TAFA4: variants seen among roughly 807,000 people sequenced by gnomAD.
TAFA4 encodes the protein chemokine-like protein TAFA-4.
TAFA4 carries 20 observed loss-of-function variants against 21.1 expected under a neutral mutation model. The observed-to-expected ratio is 0.95, with a 90% CI of 0.67 to 1.38. The LOEUF (loss-of-function observed/expected upper bound fraction) is 1.38, where lower values mean the gene tolerates loss of function less well. TAFA4 is among the 40% of genes most tolerant of loss of function. TAFA4 has a pLI of 0.00. For synonymous variants in TAFA4, 71 were observed against 67.4 expected, an observed-to-expected ratio of 1.05 and a Z score of -0.26; for missense variants, 211 against 180.9, an observed-to-expected ratio of 1.17 and a Z score of -0.95.
At chr3:68,929,304 G>A (rs898210456) in intron 1 of TAFA4, among the ~76,000 whole-genome samples, 2 of 152,196 alleles carry the variant, frequency 1.3e-5, no homozygotes, top group Non-Finnish European at 2.9e-5. Flanking sequence ...AGTGATTAAT[G>A]TGGCCAAGAT....
intron 3 of TAFA4, among the ~76,000 whole-genome samples, chr3:68,756,601 C>A (rs13097433): frequency 6.6e-6 from 1 of 152,090 alleles, no homozygotes; most frequent in Non-Finnish European, 1.5e-5. Context: ...CCATCTTCAA[C>A]GTCGATGGCA....
intron 3 of TAFA4, among the ~76,000 whole-genome samples, chr3:68,836,459 T>C (rs889566883): frequency 6.6e-6 from 1 of 152,220 alleles, no homozygotes; most frequent in African/African-American, 2.4e-5. Flanking sequence ...AAGTCTGGCT[T>C]CTAGAACTTC....
chr3:68,850,069 C>A (rs779420489), intron 3 of TAFA4, among the ~76,000 whole-genome samples: 1 of 152,164 alleles, frequency 6.6e-6, no homozygotes, highest in Non-Finnish European at 1.5e-5. Flanking sequence ...AAAATTGCCT[C>A]TTTTCCCATG....
chr3:68,898,704 T>A (rs2089816047), intron 1 of TAFA4, among the ~76,000 whole-genome samples: 1 of 152,184 alleles, frequency 6.6e-6, no homozygotes, highest in African/African-American at 2.4e-5. Context: ...ATCGGACCAA[T>A]CAAGCACTTT....
intron 3 of TAFA4, among the ~76,000 whole-genome samples, chr3:68,840,460 A>G (rs557368355): frequency 2.0e-4 from 30 of 152,160 alleles, no homozygotes; most frequent in Non-Finnish European, 3.4e-4. Context: ...CAAGCAATCT[A>G]CCCACCTCAG....
chr3:68,758,231 G>C (rs12635072), intron 3 of TAFA4, among the ~76,000 whole-genome samples: 5,535 of 152,232 alleles, frequency 0.036, 306 homozygotes, highest in East Asian at 0.25. Flanking sequence ...CAGTGTTTGT[G>C]TGATTCCATA....
chr3:68,832,246 G>T (rs183905142), intron 3 of TAFA4, among the ~76,000 whole-genome samples: 2 of 152,174 alleles, frequency 1.3e-5, no homozygotes, highest in Non-Finnish European at 2.9e-5. Flanking sequence ...TGTTCCTTTG[G>T]AGGAAAAGAG....
intron 3 of TAFA4, among the ~76,000 whole-genome samples, chr3:68,754,193 G>GA (rs1392793515): frequency 6.6e-6 from 1 of 152,166 alleles, no homozygotes; most frequent in Non-Finnish European, 1.5e-5. Context: ...ATTAAAGATA[G>GA]AAAATCTGAC....
intron 3 of TAFA4, among the ~76,000 whole-genome samples, chr3:68,828,255 T>C (rs1047500743): frequency 1.3e-5 from 2 of 152,212 alleles, no homozygotes; most frequent in African/African-American, 2.4e-5. Flanking sequence ...TTGGTACCAG[T>C]ACCATGCTGT....
At chr3:68,777,619 T>C (rs1228225270) in intron 3 of TAFA4, among the ~76,000 whole-genome samples, 2 of 151,794 alleles carry the variant, frequency 1.3e-5, no homozygotes, top group African/African-American at 2.4e-5. Flanking sequence ...GGTGGGAAAA[T>C]AGAATCATAA....
intron 1 of TAFA4, among the ~76,000 whole-genome samples, chr3:68,894,100 A>G (rs2089759747): frequency 6.6e-6 from 1 of 152,122 alleles, no homozygotes; most frequent in African/African-American, 2.4e-5. Context: ...AATACTACAC[A>G]TAATAAATGC....
intron 3 of TAFA4, among the ~76,000 whole-genome samples, chr3:68,773,011 G>A (rs1344915350): frequency 2.0e-5 from 3 of 152,092 alleles, no homozygotes; most frequent in Non-Finnish European, 2.9e-5. Flanking sequence ...TCATCTATAT[G>A]AGAGAGCATC....
intron 1 of TAFA4, among the ~76,000 whole-genome samples, chr3:68,899,093 TC>T (rs2089820533): frequency 6.6e-6 from 1 of 152,184 alleles, no homozygotes; most frequent in African/African-American, 2.4e-5. Context: ...AGGAAATACA[TC>T]ACATAAATTT....
intron 5 of TAFA4, among the ~76,000 whole-genome samples, chr3:68,734,346 T>A (rs1192727156): frequency 6.6e-6 from 1 of 152,004 alleles, no homozygotes; most frequent in Non-Finnish European, 1.5e-5. Flanking sequence ...AGAGGTTGGA[T>A]AAACAGGTAA....
intron 3 of TAFA4, among the ~76,000 whole-genome samples, chr3:68,878,651 C>T (rs2089581518): frequency 6.6e-6 from 1 of 152,202 alleles, no homozygotes; most frequent in African/African-American, 2.4e-5. Flanking sequence ...TTGGCCCCTT[C>T]ACCTTTTCTA....
chr3:68,823,377 T>C (rs1291631878), intron 3 of TAFA4, among the ~76,000 whole-genome samples: 1 of 152,206 alleles, frequency 6.6e-6, no homozygotes, highest in East Asian at 1.9e-4. Flanking sequence ...GCAGATATGT[T>C]GAAGTGTCAT....
intron 3 of TAFA4, among the ~76,000 whole-genome samples, chr3:68,865,317 G>T (rs1018672953): frequency 1.3e-5 from 2 of 151,488 alleles, no homozygotes; most frequent in Admixed American, 1.3e-4. Flanking sequence ...CAGTGATATG[G>T]TTTGGCTTTG....
At chr3:68,796,870 C>T (rs1347818633) in intron 3 of TAFA4, among the ~76,000 whole-genome samples, 1 of 152,132 alleles carries the variant, frequency 6.6e-6, no homozygotes, top group African/African-American at 2.4e-5. Context: ...GGCCAACAAG[C>T]ATATGAAAAG....
intron 3 of TAFA4, among the ~76,000 whole-genome samples, chr3:68,855,315 A>C (rs978594535): frequency 2.0e-5 from 3 of 152,218 alleles, no homozygotes; most frequent in African/African-American, 7.2e-5. Context: ...TACTTTATAC[A>C]TAATGGGAAG....
Sources: allele counts gnomAD v4.1 joint callset (sites outside exome capture counted in the v4.1 genomes callset), GRCh38; gene constraint gnomAD v4.1.1; transcripts MANE v1.5; gene names NCBI Gene and HGNC (gene_info 2026-07-23, HGNC 2026-07-21).